Variants in RNF217 observed in about 807,000 individuals in gnomAD.
The protein encoded by RNF217 is ring finger protein 217.
In RNF217, 31 loss-of-function variants were observed where a neutral mutation model predicts 57.8. The observed-to-expected ratio is 0.54, with a 90% CI of 0.40 to 0.72. RNF217 has a LOEUF of 0.72. RNF217 is among the 30% of genes least tolerant of loss of function. The pLI, the probability that RNF217 is intolerant of heterozygous loss-of-function variation, is 0.00. For missense variants in RNF217, 696 were observed against 708.3 expected (o/e 0.98, Z 0.20); for synonymous variants, 313 against 294.0 (o/e 1.06, Z -0.66).
At chr6:124,986,193 C>T (rs899562490) in intron 1 of RNF217, among the ~76,000 whole-genome samples, 4 of 152,206 alleles carry the variant, frequency 2.6e-5, no homozygotes, top group African/African-American at 9.6e-5. Flanking sequence ...CTCTGCCAGG[C>T]TGGCATTAGT....
chr6:125,063,348 G>A (rs1355517715), intron 3 of RNF217, among the ~76,000 whole-genome samples: 3 of 152,040 alleles, frequency 2.0e-5, no homozygotes, highest in Non-Finnish European at 2.9e-5. Flanking sequence ...TTTATTCTAA[G>A]GTCAACATAT....
intron 1 of RNF217, among the ~76,000 whole-genome samples, chr6:124,989,142 T>C (rs1050144763): frequency 6.6e-6 from 1 of 152,120 alleles, no homozygotes; most frequent in African/African-American, 2.4e-5. Context: ...AAGTTCTGTG[T>C]GATGGAATTT....
chr6:125,083,675 G>GACAT lies in RNF217; in HGVS notation c.*740_*743dup, dbSNP rs1562501366. ...ATTGAAAGATGATGGCTCCTTTGTG[G>GACAT]ACATAATTTAGCAATGTATTAAATT... is the stretch of plus-strand genomic sequence containing the variant. On this transcript the variant is annotated 3_prime_UTR_variant, in exon 6 of 6. Transcript: ENST00000521654. 1 of 151,916 alleles carries GACAT rather than the reference G, an allele frequency of 6.6e-6. No individual in the cohort carries two copies. Among genetic ancestry groups the GACAT allele is most frequent in the East Asian group, 1.9e-4 (1 of 5,178 alleles). 9.4% of individuals were successfully genotyped at this position (151,916 alleles called of 1,614,324 possible). A position where few individuals can be genotyped will look rare whatever the true frequency, so the allele number is the denominator to read the frequency against.
intron 1 of RNF217, among the ~76,000 whole-genome samples, chr6:125,001,642 C>T (rs1275411916): frequency 6.6e-6 from 1 of 152,062 alleles, no homozygotes; most frequent in African/African-American, 2.4e-5. Flanking sequence ...CTTACTAATC[C>T]AGAGTTCACA....
intron 1 of RNF217, among the ~76,000 whole-genome samples, chr6:124,981,059 C>G (rs1013419658): frequency 6.6e-6 from 1 of 152,104 alleles, no homozygotes; most frequent in East Asian, 1.9e-4. Flanking sequence ...CAGTAATTTA[C>G]TCAATTTAAA....
rs188029404 is a variant in RNF217 at position 124,992,348 on chromosome 6, T to C, written c.882+28922T>C. Among the ~76,000 whole-genome samples, 4 of 152,268 alleles carry C rather than the reference T, an allele frequency of 2.6e-5. No homozygotes were observed. The East Asian group carries it at 5.8e-4, about 22-fold the overall frequency. ...CAAAGCTACATATATTAAAACATGT[T>C]TTCTATTCCCAAATGAAAACTTGAT... On this transcript the variant is annotated intron_variant, in intron 1 of 5. Transcript: ENST00000521654.
At chr6:125,081,407 C>T in intron 4 of RNF217, 29 bp from the exon 5 acceptor site, 8 of 1,581,528 alleles carry the variant, frequency 5.1e-6, no homozygotes, top group Non-Finnish European at 6.9e-6. Flanking sequence ...TTTAAGACTC[C>T]TTAAATAATT....
chr6:125,025,432 A>C (rs1218451923), intron 1 of RNF217, among the ~76,000 whole-genome samples: 2 of 152,134 alleles, frequency 1.3e-5, no homozygotes, highest in African/African-American at 4.8e-5. Flanking sequence ...TGAGTGTCTG[A>C]AGTTAGCAGA....
chr6:124,976,506 G>T (rs1328743612), intron 1 of RNF217, among the ~76,000 whole-genome samples: 2 of 151,896 alleles, frequency 1.3e-5, no homozygotes, highest in Non-Finnish European at 2.9e-5. Flanking sequence ...CTGACCTCAA[G>T]ATCCACCTGC....
chr6:125,043,388 G>A (rs2114525393), intron 1 of RNF217, among the ~76,000 whole-genome samples: 1 of 151,852 alleles, frequency 6.6e-6, no homozygotes, highest in East Asian at 2.0e-4. Context: ...AACCTCTTCT[G>A]ATCCCCCCAG....
chr6:125,064,852 A>G (rs1582769027), intron 3 of RNF217, among the ~76,000 whole-genome samples: 1 of 152,092 alleles, frequency 6.6e-6, no homozygotes, highest in Admixed American at 6.6e-5. Context: ...GTATATATAT[A>G]TAGTTAGGGT....
In RNF217 at chr6:125,061,463, T is replaced by C. The variant is rs901258108; in HGVS notation, c.1281+3357T>C. ...TTTGTAATGCCCCCTTTTAAAATTT[T>C]CTGTTCATACCCTTTGCCCATTTAT... On this transcript the variant is annotated intron_variant, in intron 3 of 5. Transcript: ENST00000521654. 2.6e-5 allele frequency among the ~76,000 whole-genome samples: 4 copies of C among 151,996 alleles called. No individual in the cohort carries two copies. The East Asian group carries it at 7.7e-4, about 29-fold the overall frequency.
In RNF217 at chr6:124,977,325, C is replaced by G. The variant is rs567584338; in HGVS notation, c.882+13899C>G. 2.0e-4 allele frequency among the ~76,000 whole-genome samples: 31 copies of G among 152,298 alleles called. No individual in the cohort carries two copies. In the South Asian group the frequency reaches 6.4e-3, roughly 32 times the overall value. On this transcript the variant is annotated intron_variant, in intron 1 of 5. Coordinates refer to ENST00000521654, the MANE Select transcript of RNF217 (RefSeq NM_001286398.3). The stretch of plus-strand genomic sequence containing the variant: ...CAAGCAACAGTGCATACTTGTGCAT[C>G]TCTTTGCCTGTATGAGGTGTCTTTT...
At chr6:124,979,228 TG>T (rs1784072817) in intron 1 of RNF217, among the ~76,000 whole-genome samples, 1 of 152,188 alleles carries the variant, frequency 6.6e-6, no homozygotes, top group Admixed American at 6.5e-5. Context: ...TGATGCTGAT[TG>T]TTGACTTAAG....
intron 1 of RNF217, among the ~76,000 whole-genome samples, chr6:124,987,788 G>A (rs925140800): frequency 6.6e-6 from 1 of 152,108 alleles, no homozygotes; most frequent in Non-Finnish European, 1.5e-5. Context: ...TTGACAGGAT[G>A]AGAAGGTGAT....
intron 2 of RNF217, among the ~76,000 whole-genome samples, chr6:125,055,265 C>T (rs473130): frequency 0.031 from 4,645 of 152,208 alleles, 236 homozygotes; most frequent in African/African-American, 0.1. Context: ...TTTGTATTCA[C>T]TTGAGAGACT....
chr6:125,034,297 T>A (rs1311757724), intron 1 of RNF217, among the ~76,000 whole-genome samples: 2 of 152,218 alleles, frequency 1.3e-5, no homozygotes, highest in African/African-American at 2.4e-5. Flanking sequence ...TGGTAATGCC[T>A]AGGTTTTGTT....
At chr6:125,052,477 G>T (rs1177761265) in intron 2 of RNF217, among the ~76,000 whole-genome samples, 1 of 152,028 alleles carries the variant, frequency 6.6e-6, no homozygotes. Context: ...TTTCAAGGGT[G>T]CAGTGCCTCA....
chr6:124,992,597 G>T (rs1304186328), intron 1 of RNF217, among the ~76,000 whole-genome samples: 3 of 152,110 alleles, frequency 2.0e-5, no homozygotes, highest in African/African-American at 7.2e-5. Context: ...GGTTTTTCTT[G>T]TTGAAATTGA....
Sources: gnomAD v4.1 joint callset for allele counts (sites outside exome capture counted in the v4.1 genomes callset) on GRCh38, gnomAD v4.1.1 for gene constraint, MANE v1.5 for transcripts, NCBI Gene and HGNC (gene_info 2026-07-23, HGNC 2026-07-21) for gene names.